Variants in XIRP2 observed in about 807,000 individuals in gnomAD.
The protein encoded by XIRP2 is xin actin-binding repeat-containing protein 2.
XIRP2 carries 236 observed loss-of-function variants against 277.0 expected under a neutral mutation model. The observed-to-expected ratio is 0.85, with a 90% CI of 0.77 to 0.95. The LOEUF is 0.95. Among genes scored for constraint, XIRP2 ranks in the 40% least tolerant of loss-of-function variants. The pLI, the probability that XIRP2 is intolerant of heterozygous loss-of-function variation, is 0.00. For synonymous variants in XIRP2, 1,490 were observed against 1,416.5 expected (o/e 1.05, Z -1.17); for missense variants, 4,640 against 4,157.5 (o/e 1.12, Z -3.19).
At chr2:167,065,349 T>C (rs756340114) in intron 2 of XIRP2, among the ~76,000 whole-genome samples, 11 of 151,890 alleles carry the variant, frequency 7.2e-5, no homozygotes, top group Non-Finnish European at 1.3e-4. Context: ...TTAAATTGGG[T>C]TGTGTAGTGT....
chr2:166,975,485 CAAAAA>C (rs1558935382), intron 2 of XIRP2, among the ~76,000 whole-genome samples: 1 of 151,468 alleles, frequency 6.6e-6, no homozygotes, highest in Admixed American at 6.6e-5. Flanking sequence ...GAGACTCCTT[CAAAAA>C]AGAAAAGAAA....
At chr2:166,960,093 C>A (rs1686263415) in intron 2 of XIRP2, among the ~76,000 whole-genome samples, 3 of 151,706 alleles carry the variant, frequency 2.0e-5, no homozygotes, top group Non-Finnish European at 2.9e-5. Flanking sequence ...ATGTTATTAA[C>A]AATAAACTCC....
At chr2:167,148,550 G>A (rs746785606) in intron 3 of XIRP2, among the ~76,000 whole-genome samples, 7 of 151,796 alleles carry the variant, frequency 4.6e-5, no homozygotes, top group Non-Finnish European at 1.0e-4. Flanking sequence ...AGTAATTAGA[G>A]TATCGAAAAC....
chr2:167,208,089 T>C (rs1434649925), intron 3 of XIRP2, among the ~76,000 whole-genome samples: 1 of 152,188 alleles, frequency 6.6e-6, no homozygotes, highest in East Asian at 1.9e-4. Flanking sequence ...CTGAACTTCT[T>C]CGGATTTTGG....
chr2:167,144,302 A>C (rs1691805139), intron 3 of XIRP2, among the ~76,000 whole-genome samples: 1 of 152,114 alleles, frequency 6.6e-6, no homozygotes, highest in Admixed American at 6.6e-5. Flanking sequence ...ATGTTCTATG[A>C]ATAAATTCTG....
chr2:166,970,271 G>A (rs115994122), intron 2 of XIRP2, among the ~76,000 whole-genome samples: 4,590 of 151,974 alleles, frequency 0.03, 100 homozygotes, highest in East Asian at 0.079. Context: ...GATTTGACTT[G>A]CCATTTAGGA....
chr2:167,106,136 T>A (rs993602646), intron 2 of XIRP2, among the ~76,000 whole-genome samples: 6 of 151,680 alleles, frequency 4.0e-5, no homozygotes, highest in African/African-American at 1.4e-4. Flanking sequence ...CTTTTTGTCA[T>A]CTTATTAAGG....
chr2:167,177,777 A>T (rs534944506), intron 3 of XIRP2, among the ~76,000 whole-genome samples: 2 of 152,292 alleles, frequency 1.3e-5, no homozygotes, highest in Admixed American at 6.5e-5. Context: ...CAATAACTGT[A>T]ATTTAGCCCT....
intron 3 of XIRP2, among the ~76,000 whole-genome samples, chr2:167,159,685 A>C (rs1692306992): frequency 6.6e-6 from 1 of 152,164 alleles, no homozygotes; most frequent in African/African-American, 2.4e-5. Context: ...TTAAAATAAA[A>C]AAACAATAAA....
At chr2:167,204,761 C>T (rs576771735) in intron 3 of XIRP2, among the ~76,000 whole-genome samples, 6 of 152,116 alleles carry the variant, frequency 3.9e-5, no homozygotes, top group Middle Eastern at 3.4e-3. Context: ...AAAACAAACA[C>T]GCGTATTTAT....
chr2:167,195,396 T>G (rs1029368191), intron 3 of XIRP2, among the ~76,000 whole-genome samples: 4 of 152,216 alleles, frequency 2.6e-5, no homozygotes, highest in Non-Finnish European at 4.4e-5. Context: ...ATATTCTCTC[T>G]GATCACAGTT....
chr2:167,023,467 C>A (rs1688048202), intron 2 of XIRP2, among the ~76,000 whole-genome samples: 1 of 151,696 alleles, frequency 6.6e-6, no homozygotes, highest in Non-Finnish European at 1.5e-5. Context: ...TAATTAGATC[C>A]CATTTGTCAA....
At chr2:166,971,935 C>A (rs1421974809) in intron 2 of XIRP2, among the ~76,000 whole-genome samples, 1 of 151,904 alleles carries the variant, frequency 6.6e-6, no homozygotes, top group Admixed American at 6.6e-5. Context: ...CAGAAAAATA[C>A]GTGAATGAAT....
intron 2 of XIRP2, among the ~76,000 whole-genome samples, chr2:167,077,465 C>T (rs1301579658): frequency 6.6e-6 from 1 of 151,656 alleles, no homozygotes; most frequent in Non-Finnish European, 1.5e-5. Flanking sequence ...CCCTCCATTT[C>T]ACAGCTGATT....
chr2:167,055,729 T>C (rs1689021924), intron 2 of XIRP2, among the ~76,000 whole-genome samples: 1 of 152,144 alleles, frequency 6.6e-6, no homozygotes, highest in Non-Finnish European at 1.5e-5. Flanking sequence ...GAAGGTATAT[T>C]TGAAGTAAAA....
At position 167,247,911 on chromosome 2, in the gene XIRP2, A is replaced by G; in HGVS notation, c.6519A>G (p.Gly2173=). Residue 2173 remains glycine (G), a synonymous_variant, in exon 9 of 11, where the codon GGA becomes GGG. Transcript: ENST00000409195. ...AGCATCCAGTCAGCATGCCAGTTGG[A>G]GGAACTTACGACCTTTCAGGGGACT... ...PTQHPVSMPV[G]GTYDLSGDFQ... 6.2e-7 allele frequency: 1 copy of G among 1,613,474 alleles called. No homozygotes were observed. Among genetic ancestry groups the G allele is most frequent in the Non-Finnish European group, 8.5e-7 (1 of 1,179,764 alleles).
At chr2:167,059,898 G>T (rs1466266453) in intron 2 of XIRP2, among the ~76,000 whole-genome samples, 3 of 152,178 alleles carry the variant, frequency 2.0e-5, no homozygotes, top group Non-Finnish European at 2.9e-5. Flanking sequence ...GTATCCACAT[G>T]AATGCTTCTG....
chr2:167,082,535 T>C (rs36173559), intron 2 of XIRP2, among the ~76,000 whole-genome samples: 7 of 152,160 alleles, frequency 4.6e-5, no homozygotes, highest in Non-Finnish European at 8.8e-5. Context: ...ACTTCCACAA[T>C]GGTTGAACTA....
rs376631464 is a variant in XIRP2, at chr2:167,244,751, A to G, written c.3359A>G (p.His1120Arg). 85 of 1,613,256 alleles carry G rather than the reference A, an allele frequency of 5.3e-5. No homozygotes were observed. The highest frequency in any genetic ancestry group is 7.0e-5 in the Non-Finnish European group (82 of 1,179,720). The change falls in exon 9 of 11, where the codon CAT becomes CGT. Residue 1120 changes from histidine to arginine, a missense_variant. Physicochemically the swap from His to Arg is conservative, Grantham distance 29. Transcript: ENST00000409195. Reference sequence around the variant, plus strand: ...TTAATGACCAGCAGTGAAGAAATTCATAAGGGAGATGTCAAAACTTGTACT... The same window carrying G: ...TTAATGACCAGCAGTGAAGAAATTCGTAAGGGAGATGTCAAAACTTGTACT... ...VSLMTSSEEI[H>R]KGDVKTCTWL...
Sources: gnomAD v4.1 joint callset for allele counts (sites outside exome capture counted in the v4.1 genomes callset) on GRCh38, gnomAD v4.1.1 for gene constraint, MANE v1.5 for transcripts, NCBI Gene and HGNC (gene_info 2026-07-23, HGNC 2026-07-21) for gene names.